Variants in MSMO1 observed in about 807,000 individuals in gnomAD.
MSMO1 encodes methylsterol monooxygenase 1, also known as C-4 methylsterol oxidase.
Under a neutral mutation model 30.4 loss-of-function variants are expected in MSMO1, and 18 were observed. The ratio of observed to expected loss-of-function variants is 0.59; its 90% CI spans 0.41 to 0.88. The LOEUF (loss-of-function observed/expected upper bound fraction) is 0.88. Ranked by LOEUF, MSMO1 falls within the 40% of genes least tolerant of loss-of-function variation. The probability of loss-of-function intolerance (pLI) is 0.00; values close to 1 mark genes in which losing one functional copy is unlikely to be tolerated. For synonymous variants in MSMO1, 84 were observed against 107.9 expected, an observed-to-expected ratio of 0.78 and a Z score of 1.37; for missense variants, 284 against 340.5, an observed-to-expected ratio of 0.83 and a Z score of 1.31.
rs970040349 is a variant in MSMO1 at position 165,342,650 on chromosome 4, C to T, written c.*704C>T. Reference sequence around the variant, plus strand: ...GGGATTACAGGTGTAAGCCACTGCGCCCGGCCTTTTTAACTTTAAACATGT... The same window carrying T: ...GGGATTACAGGTGTAAGCCACTGCGTCCGGCCTTTTTAACTTTAAACATGT... On this transcript the variant is annotated 3_prime_UTR_variant, in exon 6 of 6. Coordinates refer to ENST00000261507, the MANE Select transcript of MSMO1 (RefSeq NM_006745.5). The T allele has an allele frequency of 2.0e-5, 3 of 152,282 alleles. No individual in the cohort carries two copies. The highest frequency in any genetic ancestry group is 4.4e-5 in the Non-Finnish European group (3 of 68,126). 9.4% of individuals were successfully genotyped at this position (152,282 alleles called of 1,614,324 possible).
At chr4:165,334,901 G>A (rs1451146916) in intron 2 of MSMO1, among the ~76,000 whole-genome samples, 1 of 152,132 alleles carries the variant, frequency 6.6e-6, no homozygotes, top group African/African-American at 2.4e-5. Context: ...TGTATCCATG[G>A]ATCCAACCAA....
intron 4 of MSMO1, among the ~76,000 whole-genome samples, chr4:165,339,096 C>CTTTTTTTTTTTTTTTTTTTTTTTTTT (rs869192459): frequency 1.7e-5 from 1 of 60,522 alleles, no homozygotes; most frequent in Non-Finnish European, 2.7e-5. Context: ...ATGAGCACTG[C>CTTTTTTTTTTTTTTTTTTTTTTTTTT]TTTTTTTTTT....
chr4:165,337,795 C>G lies in MSMO1; in HGVS notation c.262C>G (p.Pro88Ala). ...TTGTGATTTTTCTTCGTAGGATAAG[C>G]CAGAGACATGGGAAAACCAATGGAA... ...MKKYKIQKDK[P>A]ETWENQWKCF... The change falls in exon 3 of 6, where the codon CCA (proline) becomes GCA (alanine). Residue 88 changes from proline (P) to alanine (A), a missense_variant. By Grantham distance (27) the Pro-to-Ala change is conservative. Coordinates refer to ENST00000261507, the MANE Select transcript of MSMO1 (RefSeq NM_006745.5). The G allele has an allele frequency of 6.2e-7, 1 of 1,613,504 alleles. No homozygotes were observed. The highest frequency in any genetic ancestry group is 8.5e-7 in the Non-Finnish European group (1 of 1,179,656).
intron 1 of MSMO1, among the ~76,000 whole-genome samples, chr4:165,331,964 C>G: frequency 6.6e-6 from 1 of 151,854 alleles, no homozygotes; most frequent in East Asian, 1.9e-4. Context: ...TCCCCTACCC[C>G]GTCGCCACTC....
At chr4:165,338,289 A>G (rs561831498) in intron 3 of MSMO1, among the ~76,000 whole-genome samples, 235 of 128,158 alleles carry the variant, frequency 1.8e-3, no homozygotes, top group Middle Eastern at 7.9e-3. Context: ...TGTTTACATG[A>G]ACAAAAATAT....
chr4:165,338,071 T>C (rs1009402279), intron 3 of MSMO1, 134 bp downstream of exon 3: 7 of 768,720 alleles, frequency 9.1e-6, no homozygotes, highest in Non-Finnish European at 1.5e-5. Context: ...AGTAGAAAAG[T>C]AAACCACAGT....
At chr4:165,339,096 CTTTTT>C (rs869192459) in intron 4 of MSMO1, among the ~76,000 whole-genome samples, 3 of 60,510 alleles carry the variant, frequency 5.0e-5, no homozygotes, top group Admixed American at 3.3e-4. Flanking sequence ...ATGAGCACTG[CTTTTT>C]TTTTTTTTTT....
chr4:165,329,754 C>G (rs1384931725), intron 1 of MSMO1, among the ~76,000 whole-genome samples: 1 of 151,110 alleles, frequency 6.6e-6, no homozygotes, highest in Non-Finnish European at 1.5e-5. Flanking sequence ...CCTGCCTCAG[C>G]CTCCCCAGTA....
chr4:165,329,666 A>G (rs1379763342), intron 1 of MSMO1, among the ~76,000 whole-genome samples: 1 of 107,248 alleles, frequency 9.3e-6, no homozygotes, highest in Non-Finnish European at 1.7e-5. Context: ...ACGGAGTCTC[A>G]CTCTGTCGCC....
In MSMO1 at chr4:165,338,917, TACAA is replaced by T. The variant is rs544020676; in HGVS notation, c.531+144_531+147del. The T allele has an allele frequency of 2.4e-4, 154 of 638,084 alleles. 1 individual carries two copies. The African/African-American group carries it at 2.5e-3, about 10-fold the overall frequency. The allele number at this position is 638,084 out of a possible 1,614,324, so 39.5% of individuals were successfully genotyped here. ...GATTATTAAGAACAATACACACACA[TACAA>T]ACAAGCCATTTCTACACATTGTTTT... On this transcript the variant is annotated intron_variant, in intron 4 of 5. Coordinates refer to ENST00000261507, the MANE Select transcript of MSMO1 (RefSeq NM_006745.5).
intron 1 of MSMO1, 139 bp from the exon 2 acceptor site, chr4:165,333,201 C>A (rs3775318): frequency 3.4e-6 from 2 of 591,632 alleles, no homozygotes; most frequent in East Asian, 3.0e-5. Flanking sequence ...ATTTGTACTC[C>A]TTTAGTAATT....
Position 165,333,495 on chromosome 4 carries a change from A to T in MSMO1, c.125A>T (p.Asn42Ile), listed in dbSNP as rs1747455974. Reference sequence around the variant, plus strand: ...AAAAATGCTTGGAACTATATGTTGAATAATTATACAAAGTTCCAGATTGCA... The same window carrying T: ...AAAAATGCTTGGAACTATATGTTGATTAATTATACAAAGTTCCAGATTGCA... ...PFKNAWNYML[N>I]NYTKFQIATW... The change falls in exon 2 of 6, where the codon AAT (asparagine) becomes ATT (isoleucine). Residue 42 changes from asparagine to isoleucine, a missense_variant. By Grantham distance (149) the Asn-to-Ile change is moderately radical (BLOSUM62 -3). Coordinates refer to ENST00000261507, the MANE Select transcript of MSMO1 (RefSeq NM_006745.5). 1 of 1,613,620 alleles carries T rather than the reference A, an allele frequency of 6.2e-7. No individual in the cohort carries two copies.
At chr4:165,333,685 T>C (rs1448265975) in intron 2 of MSMO1, 60 bp downstream of exon 2, 37 of 1,458,656 alleles carry the variant, frequency 2.5e-5, no homozygotes, top group Non-Finnish European at 3.4e-5. Flanking sequence ...ATTTTAAAAG[T>C]ACATAGGGCT....
In MSMO1 at chr4:165,338,213, A is replaced by G. The variant is rs961106685; in HGVS notation, c.404+276A>G. 9.2e-5 allele frequency among the ~76,000 whole-genome samples: 14 copies of G among 151,930 alleles called. 2 individuals are homozygous for G. Among genetic ancestry groups the G allele is most frequent in the Admixed American group, 3.9e-4 (6 of 15,244 alleles). On this transcript the variant is annotated intron_variant, in intron 3 of 5. Transcript: ENST00000261507. ...TATAAGTGCTTATGTTGACAAAAAT[A>G]TATTACATTTTAATTTTAAAATGAA...
chr4:165,332,679 G>A (rs545519452), intron 1 of MSMO1, among the ~76,000 whole-genome samples: 1 of 152,322 alleles, frequency 6.6e-6, no homozygotes, highest in East Asian at 1.9e-4. Context: ...GGCTAAAAGT[G>A]TCTCTTTGTT....
chr4:165,341,847 T>C lies in MSMO1; in HGVS notation c.783T>C (p.Tyr261=). 4 of 1,613,378 alleles carry C rather than the reference T, an allele frequency of 2.5e-6. No individual in the cohort carries two copies. The highest frequency in any genetic ancestry group is 3.4e-6 in the Non-Finnish European group (4 of 1,179,358). The stretch of plus-strand genomic sequence containing the variant: ...ACCACATGAACTTCATTGGAAACTA[T>C]GCTTCAACATTTACATGGTGGGATC... ...DFHHMNFIGN[Y]ASTFTWWDRI... Residue 261 remains tyrosine (Y), a synonymous_variant, in exon 6 of 6, where the codon TAT becomes TAC. Coordinates refer to ENST00000261507, the MANE Select transcript of MSMO1 (RefSeq NM_006745.5).
chr4:165,337,802 C>T lies in MSMO1; in HGVS notation c.269C>T (p.Thr90Ile), dbSNP rs1357769834. 6 of 1,613,626 alleles carry T rather than the reference C, an allele frequency of 3.7e-6. No individual in the cohort carries two copies. In the South Asian group the frequency reaches 6.6e-5, roughly 18 times the overall value. ...TTTTCTTCGTAGGATAAGCCAGAGA[C>T]ATGGGAAAACCAATGGAAGTGTTTC... is the stretch of plus-strand genomic sequence containing the variant. The part of the protein sequence containing the change: ...KYKIQKDKPE[T>I]WENQWKCFKV... Residue 90 changes from threonine (T) to isoleucine (I), a missense_variant, in exon 3 of 6, where the codon ACA becomes ATA. Thr to Ile is a moderately conservative substitution (Grantham distance 89). Transcript: ENST00000261507.
At chr4:165,334,341 A>T (rs2126620824) in intron 2 of MSMO1, among the ~76,000 whole-genome samples, 1 of 152,338 alleles carries the variant, frequency 6.6e-6, no homozygotes, top group Middle Eastern at 3.4e-3. Flanking sequence ...CTTTAAGTAG[A>T]TGTGATGGTT....
chr4:165,340,232 A>G lies in MSMO1; in HGVS notation c.543A>G (p.Gly181=). 4 of 1,613,808 alleles carry G rather than the reference A, an allele frequency of 2.5e-6. No individual in the cohort carries two copies. The highest frequency in any genetic ancestry group is 3.4e-6 in the Non-Finnish European group (4 of 1,179,896). ...TCTGTTTGTCTTAGGCTCCATTTGG[A>G]ATGGAAGCTGAATATGCACATCCTT... ...KVHHEFQAPF[G]MEAEYAHPLE... The change falls in exon 5 of 6, where the codon GGA becomes GGG. Residue 181 remains glycine, a synonymous_variant. Transcript: ENST00000261507.
Sources: allele counts gnomAD v4.1 joint callset (sites outside exome capture counted in the v4.1 genomes callset), GRCh38; gene constraint gnomAD v4.1.1; transcripts MANE v1.5; gene names NCBI Gene and HGNC (gene_info 2026-07-23, HGNC 2026-07-21).